The following GCA variants were observed in gnomAD, a reference collection of about 807,000 sequenced individuals.
The protein encoded by GCA is grancalcin.
A neutral mutation model predicts 32.6 loss-of-function variants in GCA; 30 were observed. The ratio of observed to expected loss-of-function variants is 0.92; its 90% confidence interval spans 0.69 to 1.25. GCA has a LOEUF of 1.25. Among genes scored for constraint, GCA ranks in the 50% most tolerant of loss-of-function variants. GCA has a pLI of 0.00. For missense variants in GCA, 291 were observed against 266.8 expected, an observed-to-expected ratio of 1.09 and a Z score of -0.63; for synonymous variants, 102 against 84.6, an observed-to-expected ratio of 1.21 and a Z score of -1.13.
Position 162,362,402 on chromosome 2 carries a change from A to C in GCA, c.*2159A>C. 1 of 974,206 alleles carries C rather than the reference A, an allele frequency of 1.0e-6. No individual in the cohort carries two copies. Among genetic ancestry groups the C allele is most frequent in the Non-Finnish European group, 1.2e-6 (1 of 819,922 alleles). 60.3% of individuals were successfully genotyped at this position (974,206 alleles called of 1,614,324 possible). A position where few individuals can be genotyped will look rare whatever the true frequency, so the allele number is the denominator to read the frequency against. On this transcript the variant is annotated 3_prime_UTR_variant, in exon 8 of 8. Transcript: ENST00000437150. ...TTTACCAGAATTTTTATACTGAAAT[A>C]CAGTTCACTTTTTCGATGCTTTAAA... is the stretch of plus-strand genomic sequence containing the variant.
In GCA at chr2:162,347,666, C is replaced by T. The variant is rs1684780862; in HGVS notation, c.116C>T (p.Ser39Phe). Residue 39 changes from serine (S) to phenylalanine (F), a missense_variant, in exon 2 of 8, where the codon TCT (serine) becomes TTT (phenylalanine). By Grantham distance (155) the Ser-to-Phe change is radical. Transcript: ENST00000437150. ...TGPAILLDGY[S>F]GPAYSDTYSS... ...CCAGCTATACTCCTCGATGGATACTCTGGGCCAGCATATTCAGACACTTAT... is the reference window on the plus strand; with the variant it reads ...CCAGCTATACTCCTCGATGGATACTTTGGGCCAGCATATTCAGACACTTAT... The T allele has an allele frequency of 1.2e-6, 2 of 1,610,890 alleles. No homozygotes were observed. The highest frequency in any genetic ancestry group is 1.7e-6 in the Non-Finnish European group (2 of 1,177,796).
At chr2:162,366,498 G>C (rs1685754001), downstream of GCA, among the ~76,000 whole-genome samples, 1 of 151,738 alleles carries the variant, frequency 6.6e-6, no homozygotes, top group Non-Finnish European at 1.5e-5. Context: ...AATAATTCAT[G>C]TCTTTCTGTT....
At position 162,344,260 on chromosome 2, in the gene GCA, G is replaced by A; in HGVS notation, c.12G>A (p.Pro4=). The part of the protein sequence containing the change: MAY[P]GYGGGFGNFS... ...TCGTCCCGCTCGTCATGGCCTACCCGGGATACGGAGGAGGGGTGAGTCCCA... is the reference window on the plus strand; with the variant it reads ...TCGTCCCGCTCGTCATGGCCTACCCAGGATACGGAGGAGGGGTGAGTCCCA... The change falls in exon 1 of 8, where the codon CCG becomes CCA. Residue 4 remains proline, a synonymous_variant. Coordinates refer to ENST00000437150, the MANE Select transcript of GCA (RefSeq NM_012198.5). 6.2e-7 allele frequency: 1 copy of A among 1,613,688 alleles called. No individual in the cohort carries two copies. Among genetic ancestry groups the A allele is most frequent in the South Asian group, 1.1e-5 (1 of 91,086 alleles).
intron 1 of GCA, among the ~76,000 whole-genome samples, chr2:162,326,031 G>C (rs904823535): frequency 6.6e-6 from 1 of 152,124 alleles, no homozygotes; most frequent in Non-Finnish European, 1.5e-5. Flanking sequence ...TGGGGAGGTC[G>C]GGGTGGACCC....
Position 162,361,574 on chromosome 2 carries a change from A to T in GCA, c.*1331A>T. On this transcript the variant is annotated 3_prime_UTR_variant, in exon 8 of 8. Transcript: ENST00000437150. ...ACAAAATCTTTTATAAACTTACAGA[A>T]TTTTAAATCAGCCTTCACTTAAAAA... 2 of 982,114 alleles carry T rather than the reference A, an allele frequency of 2.0e-6. No homozygotes were observed. Among genetic ancestry groups the T allele is most frequent in the Non-Finnish European group, 2.4e-6 (2 of 827,146 alleles). The allele number at this position is 982,114 out of a possible 1,614,324, so 60.8% of individuals were successfully genotyped here. A position where few individuals can be genotyped will look rare whatever the true frequency, so the allele number is the denominator to read the frequency against.
intron 5 of GCA, among the ~76,000 whole-genome samples, chr2:162,357,495 T>C (rs1195255700): frequency 1.3e-5 from 2 of 151,836 alleles, no homozygotes; most frequent in Non-Finnish European, 3.0e-5. Flanking sequence ...TTAAGTAGCT[T>C]TATGAATTGT....
In GCA at chr2:162,361,967, C is replaced by G. The variant is rs1685591379; in HGVS notation, c.*1724C>G. ...TGATTATCTCTCTTACTTGGAGGCT[C>G]ACAGTTGAGGTAAAACTTTTAAAAT... On this transcript the variant is annotated 3_prime_UTR_variant, in exon 8 of 8. Transcript: ENST00000437150. The G allele has an allele frequency of 1.0e-6, 1 of 983,122 alleles. No homozygotes were observed. 60.9% of individuals were successfully genotyped at this position (983,122 alleles called of 1,614,324 possible).
chr2:162,338,982 G>A (rs1684359344), intron 1 of GCA, among the ~76,000 whole-genome samples: 2 of 152,122 alleles, frequency 1.3e-5, no homozygotes, highest in Non-Finnish European at 2.9e-5. Flanking sequence ...AATTGCTTTA[G>A]AGTTTGTACT....
downstream of GCA, chr2:162,373,589 G>A (rs979998772): frequency 1.3e-6 from 2 of 1,582,290 alleles, no homozygotes; most frequent in African/African-American, 1.4e-5. Context: ...CTGTAGGCTG[G>A]GGGGACCACA....
chr2:162,373,804 T>A, downstream of GCA: 1 of 468,186 alleles, frequency 2.1e-6, no homozygotes, highest in Non-Finnish European at 3.7e-6. Context: ...GCACAGAGAT[T>A]CTTTCCTGAC....
In GCA at chr2:162,344,268, GA is replaced by G; in HGVS notation, c.21del (p.Gly8GlufsTer70). On this transcript the variant is annotated frameshift_variant, in exon 1 of 8. Coordinates refer to ENST00000437150, the MANE Select transcript of GCA (RefSeq NM_012198.5). LOFTEE classifies it high-confidence loss of function. ...CTCGTCATGGCCTACCCGGGATACG[GA>G]GGAGGGGTGAGTCCCAGCCGCTTGG... MAYPGY[G>X]GGFGNFSIQV... The G allele has an allele frequency of 6.2e-7, 1 of 1,613,702 alleles. No homozygotes were observed. Among genetic ancestry groups the G allele is most frequent in the Non-Finnish European group, 8.5e-7 (1 of 1,179,878 alleles).
In GCA at chr2:162,360,489, A is replaced by G. The variant is rs535157776; in HGVS notation, c.*246A>G. Reference sequence around the variant, plus strand: ...TGTGCATATTGTCATAAAATATTGTATGATTAATTGATTTAAATAATGCTT... The same window carrying G: ...TGTGCATATTGTCATAAAATATTGTGTGATTAATTGATTTAAATAATGCTT... On this transcript the variant is annotated 3_prime_UTR_variant, in exon 8 of 8. Coordinates refer to ENST00000437150, the MANE Select transcript of GCA (RefSeq NM_012198.5). 10 of 978,364 alleles carry G rather than the reference A, an allele frequency of 1.0e-5. No homozygotes were observed. In the South Asian group the frequency reaches 3.3e-4, roughly 32 times the overall value. 60.6% of individuals were successfully genotyped at this position (978,364 alleles called of 1,614,324 possible).
At chr2:162,359,947 A>G (rs1363590640) in intron 7 of GCA, among the ~76,000 whole-genome samples, 2 of 151,276 alleles carry the variant, frequency 1.3e-5, no homozygotes, top group Non-Finnish European at 3.0e-5. Context: ...AATGGTTACT[A>G]TTAACCTGAT....
Position 162,344,139 on chromosome 2 carries a change from C to T in GCA, c.-110C>T. 4.2e-6 allele frequency: 5 copies of T among 1,186,254 alleles called. No homozygotes were observed. Among genetic ancestry groups the T allele is most frequent in the Non-Finnish European group, 6.2e-6 (5 of 803,950 alleles). The allele number at this position is 1,186,254 out of a possible 1,614,324, so 73.5% of individuals were successfully genotyped here. Reference sequence around the variant, plus strand: ...GGAGTGAACTGTGCGGTTAGTGCGCCTTTCAGCCTCACCTGCAGCTGCGCC... The same window carrying T: ...GGAGTGAACTGTGCGGTTAGTGCGCTTTTCAGCCTCACCTGCAGCTGCGCC... On this transcript the variant is annotated 5_prime_UTR_variant, in exon 1 of 8. Coordinates refer to ENST00000437150, the MANE Select transcript of GCA (RefSeq NM_012198.5).
upstream of GCA, among the ~76,000 whole-genome samples, chr2:162,343,168 T>C (rs1340337417): frequency 2.0e-5 from 3 of 152,240 alleles, no homozygotes; most frequent in Non-Finnish European, 4.4e-5. Flanking sequence ...TTAAGAAACA[T>C]GTTAGCCCTT....
At chr2:162,334,507 T>C (rs1313251011) in intron 1 of GCA, among the ~76,000 whole-genome samples, 1 of 152,130 alleles carries the variant, frequency 6.6e-6, no homozygotes, top group African/African-American at 2.4e-5. Flanking sequence ...TAAATATCTA[T>C]AGGTAAGGGA....
At chr2:162,371,729 C>A (rs770713731), downstream of GCA, 6 of 1,153,320 alleles carry the variant, frequency 5.2e-6, no homozygotes, top group Non-Finnish European at 4.9e-6. Flanking sequence ...ATAATGGTAC[C>A]TTGTGAGCCC....
chr2:162,321,019 G>A (rs1019080192), intron 1 of GCA, among the ~76,000 whole-genome samples: 1 of 152,096 alleles, frequency 6.6e-6, no homozygotes, highest in African/African-American at 2.4e-5. Flanking sequence ...TGCTGGATGA[G>A]GTCTGAGTGA....
chr2:162,331,667 T>G (rs538456290), intron 1 of GCA, among the ~76,000 whole-genome samples: 1 of 152,312 alleles, frequency 6.6e-6, no homozygotes, highest in African/African-American at 2.4e-5. Context: ...ATCTGTACCC[T>G]TGATCTTGGA....
Sources: allele counts gnomAD v4.1 joint callset (sites outside exome capture counted in the v4.1 genomes callset), GRCh38; gene constraint gnomAD v4.1.1; transcripts MANE v1.5; gene names NCBI Gene and HGNC (gene_info 2026-07-23, HGNC 2026-07-21).